Variants in NAV1 observed in about 807,000 individuals in gnomAD.
NAV1 encodes neuron navigator 1.
NAV1 carries 18 observed loss-of-function variants against 175.2 expected under a neutral mutation model. The observed-to-expected ratio is 0.10, with a 90% CI of 0.07 to 0.15. The LOEUF is 0.15. Among genes scored for constraint, NAV1 ranks in the 10% least tolerant of loss-of-function variants. The pLI is 1.00. For synonymous variants in NAV1, 897 were observed against 978.7 expected (o/e 0.92, Z 1.56); for missense variants, 1,731 against 2,436.6 (o/e 0.71, Z 6.10).
chr1:201,610,207 C>G (rs1038154098), intron 2 of NAV1, among the ~76,000 whole-genome samples: 1 of 152,176 alleles, frequency 6.6e-6, no homozygotes, highest in Admixed American at 6.6e-5. Context: ...AGTTTTAAAC[C>G]ATTGATTTTC....
Position 201,675,342 on chromosome 1 carries a change from G to A in NAV1, c.757+25917G>A, listed in dbSNP as rs552183831. On this transcript the variant is annotated intron_variant, in intron 1 of 29. Transcript: ENST00000367296. Reference sequence around the variant, plus strand: ...ACTGCTGCCTGTCCCCTGCTCCTGAGATCCCTGCCCCGGGATCCTCCATGC... The same window carrying A: ...ACTGCTGCCTGTCCCCTGCTCCTGAAATCCCTGCCCCGGGATCCTCCATGC... 2.0e-5 allele frequency among the ~76,000 whole-genome samples: 3 copies of A among 152,298 alleles called. No homozygotes were observed. The East Asian group carries it at 5.8e-4, about 29-fold the overall frequency.
In NAV1 at chr1:201,782,167, C is replaced by A. The variant is rs779839498; in HGVS notation, c.1664-9C>A. ...TTCAGCTCTTTTCTCATTTCCCGTC[C>A]TCTTGCAGGCAAACCTGAGGGCAAA... On this transcript the variant is annotated splice_polypyrimidine_tract_variant and intron_variant, in intron 5 of 29. Transcript: ENST00000367296. The surrounding 1 kb of genome is among the most constrained non-coding windows in gnomAD (Gnocchi z 5.4). 2 of 1,564,184 alleles carry A rather than the reference C, an allele frequency of 1.3e-6. No homozygotes were observed. The highest frequency in any genetic ancestry group is 2.4e-5 in the South Asian group (2 of 83,336).
At chr1:201,624,864 C>T (rs1048631062) in intron 1 of NAV1, among the ~76,000 whole-genome samples, 1 of 152,148 alleles carries the variant, frequency 6.6e-6, no homozygotes, top group African/African-American at 2.4e-5. Flanking sequence ...TACATCATCC[C>T]TTACACACCA....
At chr1:201,675,253 CA>C (rs1180479269) in intron 1 of NAV1, among the ~76,000 whole-genome samples, 1 of 152,148 alleles carries the variant, frequency 6.6e-6, no homozygotes, top group Admixed American at 6.5e-5. Context: ...GAATGCTTGA[CA>C]GTATCTTTCA....
chr1:201,598,680 C>G (rs1476933937), intron 2 of NAV1, among the ~76,000 whole-genome samples: 1 of 152,218 alleles, frequency 6.6e-6, no homozygotes, highest in African/African-American at 2.4e-5. Context: ...TCAAGTTCAT[C>G]ATCTGTCAAT....
chr1:201,787,749 T>TCC lies in NAV1; in HGVS notation c.2996-717_2996-716dup, dbSNP rs1240582963. The TCC allele has an allele frequency of 6.6e-6, 3 of 455,712 alleles. No homozygotes were observed. The highest frequency in any genetic ancestry group is 1.4e-4 in the East Asian group (2 of 14,388). The allele number at this position is 455,712 out of a possible 1,614,324, so 28.2% of individuals were successfully genotyped here. ...GGTATGAAACCCTGAAAGGCTGTAA[T>TCC]CCCAGCAATGGGCAAAGGGGTAAGG... On this transcript the variant is annotated intron_variant, in intron 9 of 29. Coordinates refer to ENST00000367296, the Ensembl canonical transcript of NAV1. This position sits in a 1 kb window ranked among gnomAD's most constrained non-coding sequence, Gnocchi z 4.3.
chr1:201,660,490 T>C (rs1467643299), intron 1 of NAV1, among the ~76,000 whole-genome samples: 1 of 152,208 alleles, frequency 6.6e-6, no homozygotes, highest in East Asian at 1.9e-4. Context: ...CCTGTAGCTT[T>C]GGGACCACTG....
intron 1 of NAV1, among the ~76,000 whole-genome samples, chr1:201,547,066 A>T (rs1353039228): frequency 6.6e-6 from 1 of 150,738 alleles, no homozygotes; most frequent in Non-Finnish European, 1.5e-5. Context: ...AGCTCACCGT[A>T]ACCTCCGTCT....
chr1:201,822,255 A>C (rs1227753719), exon 30 of NAV1: 4 of 152,892 alleles, frequency 2.6e-5, no homozygotes, highest in Non-Finnish European at 5.9e-5. Context: ...TCTGCTGTGC[A>C]GAATGAGGAG....
At chr1:201,693,961 T>C (rs902547862) in intron 1 of NAV1, among the ~76,000 whole-genome samples, 2 of 152,178 alleles carry the variant, frequency 1.3e-5, no homozygotes, top group African/African-American at 4.8e-5. Flanking sequence ...TCTGAAGCCA[T>C]CTCAGCCATC....
chr1:201,606,084 A>G (rs1419978830), intron 2 of NAV1, among the ~76,000 whole-genome samples: 1 of 152,214 alleles, frequency 6.6e-6, no homozygotes, highest in Non-Finnish European at 1.5e-5. Context: ...GGCCTGACAT[A>G]TATTCACCAC....
chr1:201,800,665 C>T (rs1571505733), intron 15 of NAV1, among the ~76,000 whole-genome samples: 1 of 152,054 alleles, frequency 6.6e-6, no homozygotes, highest in Admixed American at 6.5e-5. Flanking sequence ...CCCTGAGTCA[C>T]CCCTTCAAAT....
chr1:201,778,526 G>A (rs1676101623), intron 3 of NAV1, among the ~76,000 whole-genome samples: 1 of 152,184 alleles, frequency 6.6e-6, no homozygotes, highest in Non-Finnish European at 1.5e-5. Context: ...ACAAAGTGAG[G>A]GGGTATGACA....
intron 1 of NAV1, among the ~76,000 whole-genome samples, chr1:201,691,266 T>C (rs1373095477): frequency 6.6e-6 from 1 of 152,144 alleles, no homozygotes; most frequent in Non-Finnish European, 1.5e-5. Context: ...AGGGGCAACA[T>C]CTCTGTTGAG....
chr1:201,756,882 TTCTCTG>T (rs1199930445), intron 3 of NAV1, among the ~76,000 whole-genome samples: 102 of 125,088 alleles, frequency 8.2e-4, no homozygotes, highest in African/African-American at 3.3e-3. Context: ...CTTTCTTTCT[TTCTCTG>T]TCTTTCTCCC....
chr1:201,821,505 G>GACAC (rs57007517), exon 30 of NAV1: 6,178 of 144,526 alleles, frequency 0.043, 190 homozygotes, highest in East Asian at 0.12. Context: ...GGTTAAAACA[G>GACAC]ACACACACAC....
chr1:201,624,247 C>T (rs1027397347), intron 1 of NAV1, among the ~76,000 whole-genome samples: 1 of 150,260 alleles, frequency 6.7e-6, no homozygotes, highest in Non-Finnish European at 1.5e-5. Flanking sequence ...CCAGTATTCA[C>T]AACAAGATGG....
At chr1:201,747,539 G>A (rs531564073) in intron 3 of NAV1, among the ~76,000 whole-genome samples, 7 of 152,238 alleles carry the variant, frequency 4.6e-5, no homozygotes, top group African/African-American at 7.2e-5. Flanking sequence ...ACACAGTGGC[G>A]AAGACAGCAG....
At chr1:201,727,076 C>T (rs1448955965) in intron 3 of NAV1, among the ~76,000 whole-genome samples, 1 of 152,154 alleles carries the variant, frequency 6.6e-6, no homozygotes, top group Admixed American at 6.6e-5. Flanking sequence ...GAAGTGGTGC[C>T]TACTCTGTAA....
Sources: allele counts gnomAD v4.1 joint callset (sites outside exome capture counted in the v4.1 genomes callset), GRCh38; gene constraint gnomAD v4.1.1; non-coding constraint Gnocchi (gnomAD v3.1); transcripts MANE v1.5; gene names NCBI Gene and HGNC (gene_info 2026-07-23, HGNC 2026-07-21).